Variants in INTS6 observed in about 807,000 individuals in gnomAD.
INTS6 encodes integrator complex subunit 6.
INTS6 carries 16 observed loss-of-function variants against 104.9 expected under a neutral mutation model. The observed-to-expected ratio is 0.15, with a 90% CI of 0.10 to 0.23. The LOEUF (loss-of-function observed/expected upper bound fraction) is 0.23, where lower values mean the gene tolerates loss of function less well. Ranked by LOEUF, INTS6 falls within the 10% of genes least tolerant of loss-of-function variation. The pLI is 1.00. For missense variants in INTS6, 584 were observed against 1,062.8 expected, an observed-to-expected ratio of 0.55 and a Z score of 6.26; for synonymous variants, 324 against 358.7, an observed-to-expected ratio of 0.90 and a Z score of 1.09.
intron 3 of INTS6, chr13:51,439,036 T>C (rs1224753959): frequency 6.6e-6 from 1 of 152,252 alleles, no homozygotes; most frequent in Non-Finnish European, 1.5e-5. Flanking sequence ...TGTTGTTTCC[T>C]AGTACCTAAC....
At chr13:51,430,465 T>TCA in intron 3 of INTS6, 82 bp from the exon 4 acceptor site, 1 of 938,538 alleles carries the variant, frequency 1.1e-6, no homozygotes, top group Admixed American at 2.2e-5. Flanking sequence ...GAACAGCATA[T>TCA]ATACGATCTC....
intron 3 of INTS6, among the ~76,000 whole-genome samples, chr13:51,431,915 T>TG (rs1348494449): frequency 6.6e-6 from 1 of 151,988 alleles, no homozygotes; most frequent in Non-Finnish European, 1.5e-5. Flanking sequence ...GAACTCATTT[T>TG]GGGGAATTAT....
Position 51,364,258 on chromosome 13 carries a change from G to A in INTS6, c.*1494C>T. 1 of 1,476,152 alleles carries A rather than the reference G, an allele frequency of 6.8e-7. No homozygotes were observed. The highest frequency in any genetic ancestry group is 9.1e-7 in the Non-Finnish European group (1 of 1,099,306). 91.4% of individuals were successfully genotyped at this position (1,476,152 alleles called of 1,614,324 possible). A position where few individuals can be genotyped will look rare whatever the true frequency, so the allele number is the denominator to read the frequency against. ...TGACAGGGTTTGTCTTCAGTATTGGGAGAGTTTCAAATCCCCTAGACTAAA... is the reference window on the plus strand; with the variant it reads ...TGACAGGGTTTGTCTTCAGTATTGGAAGAGTTTCAAATCCCCTAGACTAAA... On this transcript the variant is annotated 3_prime_UTR_variant, in exon 18 of 18. Transcript: ENST00000311234.
chr13:51,453,006 C>T lies in INTS6; in HGVS notation c.-481G>A, dbSNP rs1426760678. The T allele has an allele frequency of 9.9e-5, 100 of 1,012,620 alleles. No individual in the cohort carries two copies. Among genetic ancestry groups the T allele is most frequent in the Non-Finnish European group, 1.1e-4 (94 of 846,742 alleles). The allele number at this position is 1,012,620 out of a possible 1,614,324, so 62.7% of individuals were successfully genotyped here. ...CTCCCTCCGCACCCCGGCGGTGTCA[C>T]CACTTTCTCAGCCCCTCTCGCTACT... On this transcript the variant is annotated 5_prime_UTR_variant, in exon 1 of 18. It adds an upstream start codon to the 5' untranslated region. Transcript: ENST00000311234.
At chr13:51,441,498 G>A (rs1952796182) in intron 3 of INTS6, 1 of 151,998 alleles carries the variant, frequency 6.6e-6, no homozygotes, top group Non-Finnish European at 1.5e-5. Context: ...TTATTTTTCT[G>A]AATCTTAAGA....
intron 15 of INTS6, among the ~76,000 whole-genome samples, chr13:51,371,283 C>G (rs961152598): frequency 3.3e-5 from 5 of 152,188 alleles, no homozygotes; most frequent in South Asian, 2.1e-4. Context: ...CTTACACTTA[C>G]ACCTTCGCCT....
intron 4 of INTS6, among the ~76,000 whole-genome samples, chr13:51,428,706 T>A (rs1957030374): frequency 6.6e-6 from 1 of 152,188 alleles, no homozygotes; most frequent in African/African-American, 2.4e-5. Context: ...TGGCTGTACA[T>A]GTCAACTAAT....
the INTS6 span, among the ~76,000 whole-genome samples, chr13:51,338,732 T>C: frequency 3.3e-5 from 5 of 152,216 alleles, no homozygotes; most frequent in Non-Finnish European, 7.3e-5. Flanking sequence ...ACTGTAACTA[T>C]CCTAAGACCT....
chr13:51,437,164 G>A lies in INTS6; in HGVS notation c.340-6781C>T, dbSNP rs928419382. 12 of 152,150 alleles carry A rather than the reference G, an allele frequency of 7.9e-5. No homozygotes were observed. The East Asian group carries it at 2.1e-3, about 27-fold the overall frequency. 9.4% of individuals were successfully genotyped at this position (152,150 alleles called of 1,614,324 possible). ...TAAACGTATAAATAAAAACCAAGAT[G>A]TAAACATATTTTCAAAGATAGGTGA... On this transcript the variant is annotated intron_variant, in intron 3 of 17. Transcript: ENST00000311234.
rs771259729 is a variant in INTS6, at chr13:51,367,975, TTA to T, written c.2477-79_2477-78del. 293 of 753,724 alleles carry T rather than the reference TTA, an allele frequency of 3.9e-4. 1 individual carries two copies. Among genetic ancestry groups the T allele is most frequent in the Non-Finnish European group, 5.7e-4 (271 of 472,482 alleles). 46.7% of individuals were successfully genotyped at this position (753,724 alleles called of 1,614,324 possible). A position where few individuals can be genotyped will look rare whatever the true frequency, so the allele number is the denominator to read the frequency against. On this transcript the variant is annotated intron_variant, in intron 16 of 17. Transcript: ENST00000311234. ...TTATTCAATATTCTTCTTTTGCAGT[TTA>T]TGATATTAAGATATACTGAGATAAA...
downstream of INTS6, among the ~76,000 whole-genome samples, chr13:51,360,663 CAT>C (rs1566197430): frequency 6.6e-6 from 1 of 151,980 alleles, no homozygotes; most frequent in Non-Finnish European, 1.5e-5. Context: ...GATTCTAGCC[CAT>C]GAGGCAAATT....
rs767314333 is a variant in INTS6 at position 51,423,041 on chromosome 13, G to A, written c.429+7253C>T. 2.8e-5 allele frequency: 36 copies of A among 1,277,506 alleles called. 1 individual carries two copies. The South Asian group carries it at 4.1e-4, about 15-fold the overall frequency. The allele number at this position is 1,277,506 out of a possible 1,614,324, so 79.1% of individuals were successfully genotyped here. ...GTTTATTTACTTGCCTGTCTTCAAA[G>A]ATAATACGTTTTCTAGCCTTGCTTA... On this transcript the variant is annotated intron_variant, in intron 4 of 17. Coordinates refer to ENST00000311234, the MANE Select transcript of INTS6 (RefSeq NM_012141.3).
chr13:51,343,892 G>C, the INTS6 span, among the ~76,000 whole-genome samples: 1 of 152,198 alleles, frequency 6.6e-6, no homozygotes, highest in Admixed American at 6.5e-5. Context: ...TGGACCTGCT[G>C]TTTTCCCAGC....
chr13:51,452,316 AGTCAG>A lies in INTS6; in HGVS notation c.111+94_111+98del, dbSNP rs1953078972. On this transcript the variant is annotated intron_variant, in intron 1 of 17. Coordinates refer to ENST00000311234, the MANE Select transcript of INTS6 (RefSeq NM_012141.3). The surrounding 1 kb of genome is among the most constrained non-coding windows in gnomAD (Gnocchi z 4.2). ...GGTCCCCGAGCCCGGCAGCTCCCGC[AGTCAG>A]GTCCCCGACACCCCCGCCCCGGCCG... The A allele has an allele frequency of 8.7e-7, 1 of 1,151,424 alleles. No homozygotes were observed. Among genetic ancestry groups the A allele is most frequent in the Non-Finnish European group, 1.1e-6 (1 of 925,494 alleles). 71.3% of individuals were successfully genotyped at this position (1,151,424 alleles called of 1,614,324 possible).
intron 13 of INTS6, among the ~76,000 whole-genome samples, chr13:51,375,734 G>GATGT (rs142921391): frequency 0.038 from 5,609 of 147,662 alleles, 135 homozygotes; most frequent in Non-Finnish European, 0.048. Context: ...TTGATAAGTG[G>GATGT]GTGTGTGTGT....
At chr13:51,408,147 T>G (rs1460037413) in intron 4 of INTS6, among the ~76,000 whole-genome samples, 49 of 126,636 alleles carry the variant, frequency 3.9e-4, no homozygotes, top group Non-Finnish European at 2.3e-4. Flanking sequence ...TTGAGATGGG[T>G]TTTTTTTTTT....
At chr13:51,430,733 T>C (rs1231840501) in intron 3 of INTS6, among the ~76,000 whole-genome samples, 3 of 152,134 alleles carry the variant, frequency 2.0e-5, no homozygotes, top group Admixed American at 1.3e-4. Context: ...TTTGTAGATA[T>C]TACAAGTTAC....
At chr13:51,344,455 A>C in the INTS6 span, 1 of 1,599,586 alleles carries the variant, frequency 6.3e-7, no homozygotes, top group East Asian at 2.3e-5. Flanking sequence ...CGCCATCCAG[A>C]CTAGCGAAGG....
intron 3 of INTS6, chr13:51,444,852 C>T (rs1310930372): frequency 7.6e-6 from 1 of 131,388 alleles, no homozygotes; most frequent in East Asian, 2.3e-4. Context: ...TTTTAGAAAA[C>T]AGTTTTAGAG....
Sources: gnomAD v4.1 joint callset for allele counts (sites outside exome capture counted in the v4.1 genomes callset) on GRCh38, gnomAD v4.1.1 for gene constraint, Gnocchi (gnomAD v3.1) non-coding constraint, MANE v1.5 for transcripts, NCBI Gene and HGNC (gene_info 2026-07-23, HGNC 2026-07-21) for gene names.